NMU: variants seen among roughly 807,000 people sequenced by gnomAD.
NMU encodes neuromedin U.
NMU carries 29 observed loss-of-function variants against 35.4 expected under a neutral mutation model. The observed-to-expected ratio is 0.82, with a 90% CI of 0.61 to 1.12. The LOEUF is 1.12. Ranked by LOEUF, NMU falls within the 50% of genes most tolerant of loss-of-function variation. NMU has a pLI of 0.00. For synonymous variants in NMU, 78 were observed against 81.3 expected (o/e 0.96, Z 0.22); for missense variants, 199 against 206.2 (o/e 0.97, Z 0.21).
chr4:55,604,012 T>TATATGTATATATAC lies in NMU; in HGVS notation c.435+1262_435+1263insGTATATATACATAT, dbSNP rs1275667846. On this transcript the variant is annotated intron_variant, in intron 7 of 9. Transcript: ENST00000264218. ...GTATATATATACGTATATATGTATATATGTGTATATATATAATCCTAGAAA... is the reference window on the plus strand; with the variant it reads ...GTATATATATACGTATATATGTATATATATGTATATATACATGTGTATATATATAATCCTAGAAA... 4.2e-3 allele frequency among the ~76,000 whole-genome samples: 11 copies of TATATGTATATATAC among 2,622 alleles called. No homozygotes were observed. In the East Asian group the frequency reaches 0.15, roughly 36 times the overall value. The allele number at this position is 2,622 out of a possible 152,430, so 1.7% of individuals were successfully genotyped here.
chr4:55,618,791 TTCTTC>T (rs900024334), intron 2 of NMU, among the ~76,000 whole-genome samples: 8 of 151,282 alleles, frequency 5.3e-5, no homozygotes, highest in African/African-American at 1.7e-4. Flanking sequence ...TTCCCTTTCT[TTCTTC>T]TCTTCCTTTT....
At chr4:55,617,981 A>T (rs1250153658) in intron 2 of NMU, among the ~76,000 whole-genome samples, 1 of 152,274 alleles carries the variant, frequency 6.6e-6, no homozygotes, top group Admixed American at 6.5e-5. Flanking sequence ...CTTTGTTCTC[A>T]TTTCTTTGAA....
At chr4:55,605,202 C>G in intron 7 of NMU, 73 bp downstream of exon 7, 6 of 995,182 alleles carry the variant, frequency 6.0e-6, no homozygotes, top group Non-Finnish European at 9.8e-6. Context: ...GATGAACTAC[C>G]ACAGCTGGGA....
At chr4:55,603,741 T>C (rs1007081027) in intron 7 of NMU, among the ~76,000 whole-genome samples, 4 of 150,540 alleles carry the variant, frequency 2.7e-5, no homozygotes, top group African/African-American at 9.8e-5. Flanking sequence ...TGAAACTCCG[T>C]CTCTACTAAA....
At chr4:55,602,944 A>G (rs1733482738) in intron 7 of NMU, among the ~76,000 whole-genome samples, 1 of 152,222 alleles carries the variant, frequency 6.6e-6, no homozygotes, top group Non-Finnish European at 1.5e-5. Flanking sequence ...TTTAAGAAGA[A>G]TAAATTAAAT....
chr4:55,609,827 GCTT>G (rs1418035125), intron 3 of NMU, among the ~76,000 whole-genome samples: 2 of 152,134 alleles, frequency 1.3e-5, no homozygotes, highest in Non-Finnish European at 2.9e-5. Flanking sequence ...GGCGAAACCT[GCTT>G]TGCACAGAAT....
At chr4:55,614,064 G>A (rs1462765992) in intron 3 of NMU, among the ~76,000 whole-genome samples, 1 of 152,138 alleles carries the variant, frequency 6.6e-6, no homozygotes, top group Non-Finnish European at 1.5e-5. Flanking sequence ...TAGTTTAGCA[G>A]CTATTTCTAG....
rs1466565776 is a variant in NMU at position 55,607,303 on chromosome 4, C to T, written c.355G>A (p.Val119Ile). Residue 119 changes from valine to isoleucine, a missense_variant, in exon 6 of 10, where the codon GTT becomes ATT. Physicochemically the swap from Val to Ile is conservative, Grantham distance 29. Coordinates refer to ENST00000264218, the MANE Select transcript of NMU (RefSeq NM_006681.4). ...GAAGTAGTTCTACAACTTACCACAA[C>T]ATTTGACTTGCCCAACTTCTGTGTC... ...SKTQKLGKSNVVSSVVHPLLQ... is the reference protein window; with the variant it reads ...SKTQKLGKSNIVSSVVHPLLQ... The T allele has an allele frequency of 1.2e-6, 2 of 1,605,538 alleles. No individual in the cohort carries two copies. The highest frequency in any genetic ancestry group is 2.2e-5 in the East Asian group (1 of 44,640).
Position 55,619,952 on chromosome 4 carries a change from G to T in NMU, c.172-3567C>A, listed in dbSNP as rs1448170935. 1.3e-4 allele frequency among the ~76,000 whole-genome samples: 19 copies of T among 146,942 alleles called. No homozygotes were observed. In the East Asian group the frequency reaches 3.7e-3, roughly 28 times the overall value. On this transcript the variant is annotated intron_variant, in intron 2 of 9. Coordinates refer to ENST00000264218, the MANE Select transcript of NMU (RefSeq NM_006681.4). The stretch of plus-strand genomic sequence containing the variant: ...TATTCCAACAGACCTGCAGCTGAGG[G>T]CCCTGTCTGTTAGAAGGAAAACTAA...
At chr4:55,601,423 T>C (rs1014881256) in intron 7 of NMU, among the ~76,000 whole-genome samples, 1 of 152,116 alleles carries the variant, frequency 6.6e-6, no homozygotes. Context: ...TATGTTTAAA[T>C]TCTGAAATAC....
chr4:55,606,457 A>G, intron 6 of NMU, among the ~76,000 whole-genome samples: 1 of 152,208 alleles, frequency 6.6e-6, no homozygotes, highest in Non-Finnish European at 1.5e-5. Flanking sequence ...TTAAATGCCT[A>G]ATTACTAATA....
In NMU at chr4:55,600,636, C is replaced by T. The variant is rs1577932517; in HGVS notation, c.436-61G>A. The T allele has an allele frequency of 8.3e-6, 10 of 1,207,136 alleles. No individual in the cohort carries two copies. In the Admixed American group the frequency reaches 1.0e-4, roughly 12 times the overall value. 74.8% of individuals were successfully genotyped at this position (1,207,136 alleles called of 1,614,324 possible). On this transcript the variant is annotated intron_variant, in intron 7 of 9. Transcript: ENST00000264218. Reference sequence around the variant, plus strand: ...ACACTAAAAATAAGTGCAAATTCTCCTTGAAAGTATATTGAGGGTCAAAAT... The same window carrying T: ...ACACTAAAAATAAGTGCAAATTCTCTTTGAAAGTATATTGAGGGTCAAAAT...
intron 2 of NMU, among the ~76,000 whole-genome samples, chr4:55,625,884 C>T (rs1163849335): frequency 4.0e-5 from 6 of 151,804 alleles, no homozygotes; most frequent in Admixed American, 1.3e-4. Flanking sequence ...TGTGTGCCCA[C>T]CACATGTTGC....
intron 2 of NMU, among the ~76,000 whole-genome samples, chr4:55,617,403 T>A (rs534833001): frequency 3.3e-4 from 51 of 152,264 alleles, no homozygotes; most frequent in African/African-American, 1.2e-3. Context: ...TTTATCCTCA[T>A]CTTCCCTTTA....
At chr4:55,625,169 T>TAA (rs760890031) in intron 2 of NMU, among the ~76,000 whole-genome samples, 46,112 of 97,826 alleles carry the variant, frequency 0.47, 11,248 homozygotes, top group South Asian at 0.66. Flanking sequence ...AAAGTATAAT[T>TAA]AAAAAAAAAA....
intron 4 of NMU, among the ~76,000 whole-genome samples, chr4:55,608,316 G>A (rs900252604): frequency 1.3e-5 from 2 of 151,744 alleles, no homozygotes; most frequent in East Asian, 1.9e-4. Context: ...AATCAATTAC[G>A]CTTTTTGGAC....
chr4:55,611,985 G>A (rs781618029), intron 3 of NMU, among the ~76,000 whole-genome samples: 19 of 152,218 alleles, frequency 1.2e-4, no homozygotes, highest in Admixed American at 6.5e-5. Context: ...GCTAGGAGTT[G>A]GAGGAGTGTG....
rs151182381 is a variant in NMU at position 55,609,920 on chromosome 4, G to A, written c.220-741C>T. The stretch of plus-strand genomic sequence containing the variant: ...AATGAAGAACTAGAACAGTAGGGAG[G>A]GCAATGTAATTAGTGGTTAAAAGCA... On this transcript the variant is annotated intron_variant, in intron 3 of 9. Transcript: ENST00000264218. Among the ~76,000 whole-genome samples, 30 of 152,278 alleles carry A rather than the reference G, an allele frequency of 2.0e-4. No homozygotes were observed. The East Asian group carries it at 5.4e-3, about 27-fold the overall frequency.
chr4:55,595,643 A>ATATT (rs1258986050), intron 9 of NMU, among the ~76,000 whole-genome samples: 2 of 66,416 alleles, frequency 3.0e-5, no homozygotes, highest in Non-Finnish European at 5.4e-5. Context: ...ATATATATAT[A>ATATT]TTTTTTTTTT....
Sources: allele counts gnomAD v4.1 joint callset (sites outside exome capture counted in the v4.1 genomes callset), GRCh38; gene constraint gnomAD v4.1.1; transcripts MANE v1.5; gene names NCBI Gene and HGNC (gene_info 2026-07-23, HGNC 2026-07-21).